Variants in GFRA1 observed in about 807,000 individuals in gnomAD.
The protein encoded by GFRA1 is GDNF family receptor alpha 1.
Under a neutral mutation model 51.6 loss-of-function variants are expected in GFRA1, and 16 were observed. That is an observed-to-expected ratio of 0.31 (90% CI 0.21 to 0.47). The LOEUF (loss-of-function observed/expected upper bound fraction) is 0.47. Among genes scored for constraint, GFRA1 ranks in the 20% least tolerant of loss-of-function variants. The pLI, the probability that GFRA1 is intolerant of heterozygous loss-of-function variation, is 1.00. For synonymous variants in GFRA1, 270 were observed against 241.3 expected (o/e 1.12, Z -1.10); for missense variants, 530 against 594.3 (o/e 0.89, Z 1.13).
chr10:116,232,716 T>G (rs549164416), intron 4 of GFRA1, among the ~76,000 whole-genome samples: 10 of 152,258 alleles, frequency 6.6e-5, no homozygotes, highest in African/African-American at 2.4e-4. Flanking sequence ...TCCTCAGAGG[T>G]GTTAAAAAGC....
chr10:116,194,939 G>A (rs1414265043), intron 5 of GFRA1, among the ~76,000 whole-genome samples: 1 of 152,196 alleles, frequency 6.6e-6, no homozygotes, highest in African/African-American at 2.4e-5. Flanking sequence ...TAAAGAGCCA[G>A]GCAATAAATG....
At chr10:116,104,026 T>G (rs1193706672) in intron 6 of GFRA1, among the ~76,000 whole-genome samples, 1 of 152,182 alleles carries the variant, frequency 6.6e-6, no homozygotes, top group Admixed American at 6.5e-5. Flanking sequence ...CACCTAGGAC[T>G]GAGTGTGGAG....
At chr10:116,231,692 G>A (rs1290298744) in intron 4 of GFRA1, among the ~76,000 whole-genome samples, 1 of 152,064 alleles carries the variant, frequency 6.6e-6, no homozygotes, top group Non-Finnish European at 1.5e-5. Flanking sequence ...AAAAACAGCT[G>A]CCAGCCTTTT....
At chr10:116,172,138 G>A (rs1472963935) in intron 5 of GFRA1, among the ~76,000 whole-genome samples, 1 of 152,138 alleles carries the variant, frequency 6.6e-6, no homozygotes, top group Non-Finnish European at 1.5e-5. Context: ...TCTTTACAAA[G>A]CCTTTGGAGT....
chr10:116,196,272 A>C (rs943646342), intron 5 of GFRA1, among the ~76,000 whole-genome samples: 1 of 150,900 alleles, frequency 6.6e-6, no homozygotes, highest in East Asian at 2.0e-4. Context: ...AGTGGATCAC[A>C]AGGTCAGGAG....
At chr10:116,198,000 G>A (rs901501944) in intron 5 of GFRA1, among the ~76,000 whole-genome samples, 3 of 152,130 alleles carry the variant, frequency 2.0e-5, no homozygotes, top group Non-Finnish European at 4.4e-5. Flanking sequence ...CCTATAAGCT[G>A]ATGTGAGAAC....
intron 5 of GFRA1, among the ~76,000 whole-genome samples, chr10:116,135,514 A>G (rs1958285802): frequency 6.6e-6 from 1 of 152,226 alleles, no homozygotes; most frequent in Non-Finnish European, 1.5e-5. Context: ...GTGTATTAAG[A>G]TGGCACAATT....
intron 9 of GFRA1, among the ~76,000 whole-genome samples, chr10:116,086,761 C>T (rs1042568014): frequency 2.6e-5 from 4 of 152,182 alleles, no homozygotes; most frequent in African/African-American, 9.7e-5. Context: ...CCTTCATGTC[C>T]CCCTCTGCCA....
At chr10:116,093,922 G>A (rs528704627) in intron 7 of GFRA1, 86 bp from the exon 8 acceptor site, 59 of 1,285,236 alleles carry the variant, frequency 4.6e-5, no homozygotes, top group African/African-American at 2.8e-4. Flanking sequence ...CTCTGACGGC[G>A]GATGCACCGT....
At chr10:116,099,009 A>G (rs1313552407) in intron 6 of GFRA1, among the ~76,000 whole-genome samples, 1 of 152,236 alleles carries the variant, frequency 6.6e-6, no homozygotes, top group African/African-American at 2.4e-5. Context: ...TGTAAGGGTG[A>G]GCACATGAGG....
chr10:116,245,932 G>A (rs1349136015), intron 4 of GFRA1, among the ~76,000 whole-genome samples: 2 of 152,168 alleles, frequency 1.3e-5, no homozygotes, highest in African/African-American at 4.8e-5. Flanking sequence ...GAGAAGAGGA[G>A]GGATAAACAG....
intron 6 of GFRA1, among the ~76,000 whole-genome samples, chr10:116,116,011 C>T (rs922318937): frequency 1.3e-5 from 2 of 152,196 alleles, no homozygotes; most frequent in Non-Finnish European, 2.9e-5. Context: ...TGAGTACCCC[C>T]GCCCACCTCC....
intron 6 of GFRA1, among the ~76,000 whole-genome samples, chr10:116,105,817 G>A (rs1052720960): frequency 6.6e-6 from 1 of 152,160 alleles, no homozygotes; most frequent in Admixed American, 6.5e-5. Flanking sequence ...TAGATGCTCA[G>A]AAGAAAAACT....
chr10:116,075,535 G>A (rs1031627897), intron 9 of GFRA1, among the ~76,000 whole-genome samples: 1 of 152,028 alleles, frequency 6.6e-6, no homozygotes, highest in Non-Finnish European at 1.5e-5. Flanking sequence ...ATAAATCCAA[G>A]GACCAAAGAG....
At chr10:116,196,842 TATA>T in intron 5 of GFRA1, among the ~76,000 whole-genome samples, 1 of 80,134 alleles carries the variant, frequency 1.2e-5, no homozygotes, top group East Asian at 3.3e-4. Context: ...AATATATATA[TATA>T]TATTTTTTTT....
chr10:116,166,812 T>G (rs997290607), intron 5 of GFRA1, among the ~76,000 whole-genome samples: 98 of 43,556 alleles, frequency 2.2e-3, no homozygotes, highest in Middle Eastern at 9.8e-3. Flanking sequence ...TTTTTTTTTT[T>G]TTGTTGAGAC....
intron 9 of GFRA1, among the ~76,000 whole-genome samples, chr10:116,072,524 G>A (rs900910264): frequency 3.3e-5 from 5 of 152,126 alleles, no homozygotes; most frequent in Admixed American, 2.0e-4. Flanking sequence ...CACTTTGGAA[G>A]GCCAAGGTGG....
At chr10:116,244,720 T>C (rs998451689) in intron 4 of GFRA1, among the ~76,000 whole-genome samples, 37 of 151,576 alleles carry the variant, frequency 2.4e-4, no homozygotes, top group African/African-American at 8.2e-4. Context: ...TTGAGGGAAA[T>C]AGAATAAAGA....
At chr10:116,103,669 A>G (rs1048224284) in intron 6 of GFRA1, among the ~76,000 whole-genome samples, 2 of 152,226 alleles carry the variant, frequency 1.3e-5, no homozygotes, top group Non-Finnish European at 2.9e-5. Flanking sequence ...AATAAAAACA[A>G]TTAGAAAAAC....
Sources: gnomAD v4.1 joint callset for allele counts (sites outside exome capture counted in the v4.1 genomes callset) on GRCh38, gnomAD v4.1.1 for gene constraint, MANE v1.5 for transcripts, NCBI Gene and HGNC (gene_info 2026-07-23, HGNC 2026-07-21) for gene names.